Variants in CDH10 observed in about 807,000 individuals in gnomAD.
The protein encoded by CDH10 is cadherin-10.
A neutral mutation model predicts 73.1 loss-of-function variants in CDH10; 30 were observed. The ratio of observed to expected loss-of-function variants is 0.41; its 90% CI spans 0.31 to 0.56. CDH10 has a LOEUF of 0.56. CDH10 is among the 20% of genes least tolerant of loss of function. The pLI is 0.27. For missense variants in CDH10, 815 were observed against 973.7 expected (o/e 0.84, Z 2.17); for synonymous variants, 345 against 348.2 (o/e 0.99, Z 0.10).
At chr5:24,503,543 A>T (rs1275192072) in intron 8 of CDH10, among the ~76,000 whole-genome samples, 1 of 152,218 alleles carries the variant, frequency 6.6e-6, no homozygotes, top group African/African-American at 2.4e-5. Flanking sequence ...ATTTTACAAT[A>T]GGCCCCATGA....
chr5:24,496,103 A>G (rs1742279907), intron 9 of CDH10, among the ~76,000 whole-genome samples: 1 of 151,966 alleles, frequency 6.6e-6, no homozygotes, highest in African/African-American at 2.4e-5. Context: ...AAAATATGTA[A>G]TGGGATATTT....
intron 2 of CDH10, among the ~76,000 whole-genome samples, chr5:24,582,964 T>C (rs915622218): frequency 1.3e-5 from 2 of 152,180 alleles, no homozygotes; most frequent in Middle Eastern, 6.3e-3. Context: ...TTTAAAACTT[T>C]TCAAGACTAT....
At chr5:24,593,186 A>G in intron 2 of CDH10, 74 bp downstream of exon 2, 2 of 815,714 alleles carry the variant, frequency 2.5e-6, no homozygotes, top group South Asian at 3.3e-5. Context: ...TGATGGTTTG[A>G]TGACCTTCAA....
Position 24,597,325 on chromosome 5 carries a change from G to T in CDH10, c.-123-3712C>A, listed in dbSNP as rs184764461. ...TATGTTCACCTATAATGCCAATGCA[G>T]GCGGACCATGTGCTTTGACTGGCAA... On this transcript the variant is annotated intron_variant, in intron 1 of 11. Coordinates refer to ENST00000264463, the MANE Select transcript of CDH10 (RefSeq NM_006727.5). 2.8e-4 allele frequency among the ~76,000 whole-genome samples: 42 copies of T among 152,234 alleles called. 3 individuals are homozygous for T. The East Asian group carries it at 7.9e-3, about 29-fold the overall frequency.
In CDH10 at chr5:24,505,123, G is replaced by A. The variant is rs2111725431; in HGVS notation, c.1382C>T (p.Ala461Val). ...LSQWHNLTVIAAEINNPKETT... is the reference protein window; with the variant it reads ...LSQWHNLTVIVAEINNPKETT... ...AAAATTCATCTTACTGATTTCAGCA[G>A]CAATAACAGTAAGATTATGCCACTG... The change falls in exon 8 of 12, where the codon GCT becomes GTT. Residue 461 changes from alanine to valine, a missense_variant. By Grantham distance (64) the Ala-to-Val change is moderately conservative (BLOSUM62 0). This residue lies in a region of CDH10 where 516 missense variants were observed against 636.6 expected (regional missense o/e 0.81). Transcript: ENST00000264463. 2 of 1,609,286 alleles carry A rather than the reference G, an allele frequency of 1.2e-6. No individual in the cohort carries two copies. The highest frequency in any genetic ancestry group is 1.7e-6 in the Non-Finnish European group (2 of 1,176,150).
intron 2 of CDH10, among the ~76,000 whole-genome samples, chr5:24,573,924 G>A (rs974319440): frequency 1.3e-5 from 2 of 148,326 alleles, no homozygotes; most frequent in Non-Finnish European, 3.0e-5. Flanking sequence ...TCTCTCTGTC[G>A]CCCAGGCTGG....
At chr5:24,591,302 A>G (rs1746193346) in intron 2 of CDH10, among the ~76,000 whole-genome samples, 1 of 151,982 alleles carries the variant, frequency 6.6e-6, no homozygotes, top group South Asian at 2.1e-4. Flanking sequence ...TACAAAATTG[A>G]TTGAAATGTG....
intron 1 of CDH10, among the ~76,000 whole-genome samples, chr5:24,620,783 A>T (rs940005904): frequency 6.6e-6 from 1 of 152,052 alleles, no homozygotes; most frequent in Non-Finnish European, 1.5e-5. Flanking sequence ...TGCCCATACC[A>T]GTCTGTATTC....
intron 5 of CDH10, among the ~76,000 whole-genome samples, chr5:24,513,363 C>A (rs946341038): frequency 6.6e-6 from 1 of 152,018 alleles, no homozygotes; most frequent in Non-Finnish European, 1.5e-5. Context: ...AATTCCTTCC[C>A]CTTATCCTCA....
chr5:24,596,015 C>T (rs1201489024), intron 1 of CDH10, among the ~76,000 whole-genome samples: 1 of 151,802 alleles, frequency 6.6e-6, no homozygotes, highest in Non-Finnish European at 1.5e-5. Flanking sequence ...AATACTGATG[C>T]AAGATAATTA....
chr5:24,487,821 C>T lies in CDH10; in HGVS notation c.2209G>A (p.Ala737Thr). 1.2e-6 allele frequency: 2 copies of T among 1,613,908 alleles called. No individual in the cohort carries two copies. The highest frequency in any genetic ancestry group is 2.2e-5 in the South Asian group (2 of 91,064). The change falls in exon 12 of 12, where the codon GCC (alanine) becomes ACC (threonine). Residue 737 changes from alanine to threonine, a missense_variant. Ala to Thr is a moderately conservative substitution (Grantham distance 58). Coordinates refer to ENST00000264463, the MANE Select transcript of CDH10 (RefSeq NM_006727.5). ...GCAATGGAATCATTTCCTTCATAGG[C>T]ATAGGTTGCAAGTGAGTCGTAGGGG... ...APPYDSLATY[A>T]YEGNDSIAES...
At chr5:24,528,988 A>G (rs181780950) in intron 5 of CDH10, among the ~76,000 whole-genome samples, 7 of 152,126 alleles carry the variant, frequency 4.6e-5, no homozygotes, top group African/African-American at 1.7e-4. Context: ...AGTTTTTGCT[A>G]TTAATGGAAA....
intron 1 of CDH10, among the ~76,000 whole-genome samples, chr5:24,608,072 GA>G (rs1746818541): frequency 6.6e-6 from 1 of 151,944 alleles, no homozygotes; most frequent in African/African-American, 2.4e-5. Context: ...GTGTATGTAA[GA>G]TAATATTTCA....
At chr5:24,521,505 G>T (rs1743329921) in intron 5 of CDH10, among the ~76,000 whole-genome samples, 1 of 152,162 alleles carries the variant, frequency 6.6e-6, no homozygotes, top group Non-Finnish European at 1.5e-5. Context: ...TACTCGGAAG[G>T]CTGAGGGAGG....
chr5:24,615,226 C>G (rs141061747), intron 1 of CDH10, among the ~76,000 whole-genome samples: 3 of 152,288 alleles, frequency 2.0e-5, no homozygotes, highest in Middle Eastern at 6.8e-3. Flanking sequence ...AATTTTTGCA[C>G]TTGCTGTTCC....
At chr5:24,539,296 C>T (rs565868699) in intron 2 of CDH10, among the ~76,000 whole-genome samples, 4 of 152,050 alleles carry the variant, frequency 2.6e-5, no homozygotes, top group South Asian at 2.1e-4. Context: ...AAACTAATTA[C>T]GTCCTATTTA....
At chr5:24,594,323 C>A (rs1305984626) in intron 1 of CDH10, among the ~76,000 whole-genome samples, 1 of 151,938 alleles carries the variant, frequency 6.6e-6, no homozygotes, top group African/African-American at 2.4e-5. Context: ...CACTATACCC[C>A]AGGCTGACTA....
chr5:24,554,486 G>A (rs867008006), intron 2 of CDH10, among the ~76,000 whole-genome samples: 4,351 of 143,456 alleles, frequency 0.03, 119 homozygotes, highest in Middle Eastern at 0.13. Context: ...GTGTGTGTGT[G>A]TGTGTGTGTG....
chr5:24,537,404 T>C lies in CDH10; in HGVS notation c.502A>G (p.Ser168Gly). ...PTFPEEIYTA[S>G]VPEMSVVGTS... The stretch of plus-strand genomic sequence containing the variant: ...CCTACAACAGACATTTCGGGAACAC[T>C]AGCTGTATAGATTTCTTCTGGGAAC... The change falls in exon 3 of 12, where the codon AGT (serine) becomes GGT (glycine). Residue 168 changes from serine to glycine, a missense_variant. Around this residue, in one of 3 missense-constraint regions of CDH10, gnomAD observed 516 missense variants for 636.6 expected, o/e 0.81. Coordinates refer to ENST00000264463, the MANE Select transcript of CDH10 (RefSeq NM_006727.5). 6.2e-7 allele frequency: 1 copy of C among 1,612,054 alleles called. No individual in the cohort carries two copies. The highest frequency in any genetic ancestry group is 2.2e-5 in the East Asian group (1 of 44,834).
Sources: gnomAD v4.1 joint callset for allele counts (sites outside exome capture counted in the v4.1 genomes callset) on GRCh38, gnomAD v4.1.1 for gene constraint, gnomAD v4.1.1 regional missense constraint, MANE v1.5 for transcripts, NCBI Gene and HGNC (gene_info 2026-07-23, HGNC 2026-07-21) for gene names.